The following UMODL1 variants were observed in gnomAD, a reference collection of about 807,000 sequenced individuals.
UMODL1 encodes the protein uromodulin-like 1.
Under a neutral mutation model 136.3 loss-of-function variants are expected in UMODL1, and 128 were observed. The observed-to-expected ratio is 0.94, with a 90% confidence interval of 0.81 to 1.09. The LOEUF is 1.09. Among genes scored for constraint, UMODL1 ranks in the 50% least tolerant of loss-of-function variants. UMODL1 has a pLI of 0.00. For missense variants in UMODL1, 1,766 were observed against 1,725.6 expected (o/e 1.02, Z -0.41); for synonymous variants, 721 against 720.0 (o/e 1.00, Z -0.02).
In UMODL1 at chr21:42,099,055, G is replaced by T. The variant is rs753357342; in HGVS notation, c.1061G>T (p.Arg354Met). The T allele has an allele frequency of 6.2e-7, 1 of 1,614,092 alleles. No homozygotes were observed. The highest frequency in any genetic ancestry group is 1.3e-5 in the African/African-American group (1 of 74,928). ...GTTTACCGGGGTATGGAGTTGCTCA[G>T]GAGCGCCAGGACACAGAGCCAGGCA... ...VRVYRGMELL[R>M]SARTQSQALA... Residue 354 changes from arginine (R) to methionine (M), a missense_variant, in exon 7 of 23, where the codon AGG becomes ATG. Arg to Met is a moderately conservative substitution (Grantham distance 91, BLOSUM62 -1). Transcript: ENST00000408910. The surrounding 1 kb of genome is among the most constrained non-coding windows in gnomAD (Gnocchi z 4.1).
chr21:42,085,263 A>G lies in UMODL1; in HGVS notation c.482-28A>G, dbSNP rs758675059. 3.1e-6 allele frequency: 5 copies of G among 1,611,486 alleles called. No individual in the cohort carries two copies. The highest frequency in any genetic ancestry group is 1.3e-5 in the African/African-American group (1 of 74,844). On this transcript the variant is annotated intron_variant, in intron 3 of 22. Coordinates refer to ENST00000408910, the MANE Select transcript of UMODL1 (RefSeq NM_001004416.3). This position sits in a 1 kb window ranked among gnomAD's most constrained non-coding sequence, Gnocchi z 4.5. ...TGTGACTTCAACCTGTCCTGGGTCC[A>G]TAATCATCAGTGTTTTCCCTTGTGT...
intron 20 of UMODL1, among the ~76,000 whole-genome samples, chr21:42,128,673 G>C (rs555177398): frequency 6.6e-6 from 1 of 152,352 alleles, no homozygotes; most frequent in South Asian, 2.1e-4. Context: ...GGCCACACAC[G>C]AGGAGCCTGC....
chr21:42,118,160 C>T (rs1299744628), intron 14 of UMODL1, among the ~76,000 whole-genome samples: 2 of 152,210 alleles, frequency 1.3e-5, no homozygotes, highest in African/African-American at 2.4e-5. Flanking sequence ...CTAAAAGTCA[C>T]ATTAATCCAA....
chr21:42,099,605 G>A lies in UMODL1; in HGVS notation c.1186+425G>A, dbSNP rs1323586256. ...GTTCCCTCCCCGAGAGGGGAGCATC[G>A]CTGACGTTTTCACGCCTTGCTTCAC... On this transcript the variant is annotated intron_variant, in intron 7 of 22. Coordinates refer to ENST00000408910, the MANE Select transcript of UMODL1 (RefSeq NM_001004416.3). The surrounding 1 kb of genome is among the most constrained non-coding windows in gnomAD (Gnocchi z 4.1). Among the ~76,000 whole-genome samples, 2 of 152,206 alleles carry A rather than the reference G, an allele frequency of 1.3e-5. No homozygotes were observed. The highest frequency in any genetic ancestry group is 1.3e-4 in the Admixed American group (2 of 15,286).
intron 22 of UMODL1, among the ~76,000 whole-genome samples, chr21:42,140,301 G>A (rs905129830): frequency 1.9e-5 from 2 of 106,368 alleles, no homozygotes; most frequent in Admixed American, 9.6e-5. Flanking sequence ...AGGGATAGAC[G>A]TCCCAGGTCA....
At chr21:42,067,758 G>A (rs533499431), upstream of UMODL1, among the ~76,000 whole-genome samples, 9 of 152,208 alleles carry the variant, frequency 5.9e-5, no homozygotes, top group Non-Finnish European at 8.8e-5. Context: ...GCCTTGCCAC[G>A]AGAAAGCGAC....
Position 42,137,591 on chromosome 21 carries a change from A to G in UMODL1, c.3928A>G (p.Asn1310Asp). Residue 1310 changes from asparagine (N) to aspartate (D), a missense_variant, in exon 22 of 23, where the codon AAC (asparagine) becomes GAC (aspartate). Coordinates refer to ENST00000408910, the MANE Select transcript of UMODL1 (RefSeq NM_001004416.3). ...ATACAACTTTAAAATCCAGTCCAACAACTTCAGCTACCAGGTGTTCTACGA... is the reference window on the plus strand; with the variant it reads ...ATACAACTTTAAAATCCAGTCCAACGACTTCAGCTACCAGGTGTTCTACGA... The part of the protein sequence containing the change: ...GRYNFKIQSN[N>D]FSYQVFYE The G allele has an allele frequency of 3.1e-6, 5 of 1,614,126 alleles. No individual in the cohort carries two copies. Among genetic ancestry groups the G allele is most frequent in the Non-Finnish European group, 4.2e-6 (5 of 1,180,016 alleles).
rs566565 is a variant in UMODL1 at position 42,131,632 on chromosome 21, T to C, written c.3775+1835T>C. ...CTGGGGAACAGGAGGAGGGAGGTCT[T>C]GGCCATGAAGCTGGGGAACAGGAGG... On this transcript the variant is annotated intron_variant, in intron 21 of 22. Transcript: ENST00000408910. Among the ~76,000 whole-genome samples, 65 of 16,584 alleles carry C rather than the reference T, an allele frequency of 3.9e-3. 12 individuals carry two copies. The highest frequency in any genetic ancestry group is 7.5e-3 in the Non-Finnish European group (36 of 4,812). 10.9% of individuals were successfully genotyped at this position (16,584 alleles called of 152,430 possible). A position where few individuals can be genotyped will look rare whatever the true frequency, so the allele number is the denominator to read the frequency against.
chr21:42,114,489 G>A (rs1240234051), intron 13 of UMODL1, among the ~76,000 whole-genome samples: 1 of 152,240 alleles, frequency 6.6e-6, no homozygotes. Flanking sequence ...AGCTTCCCAA[G>A]CGTTGATAGC....
rs114022756 is a variant in UMODL1, at chr21:42,072,000, A to G, written c.76+608A>G. 9.3e-3 allele frequency among the ~76,000 whole-genome samples: 1,420 copies of G among 152,076 alleles called. 25 individuals are homozygous for G. The highest frequency in any genetic ancestry group is 0.032 in the African/African-American group (1,339 of 41,490). Reference sequence around the variant, plus strand: ...GAGGTCCAGGCTGCAGTGAGCTAAGATTGCTCCACTGCACTGCAGCCTGGG... The same window carrying G: ...GAGGTCCAGGCTGCAGTGAGCTAAGGTTGCTCCACTGCACTGCAGCCTGGG... On this transcript the variant is annotated intron_variant, in intron 1 of 22. Coordinates refer to ENST00000408910, the MANE Select transcript of UMODL1 (RefSeq NM_001004416.3).
intron 1 of UMODL1, among the ~76,000 whole-genome samples, chr21:42,065,128 C>T (rs991181885): frequency 1.3e-5 from 2 of 152,142 alleles, no homozygotes; most frequent in South Asian, 2.1e-4. Flanking sequence ...AGAAAGACTC[C>T]GCGCCTTGGG....
chr21:42,116,883 CTGGCCAACA>C (rs2066908705), intron 14 of UMODL1, among the ~76,000 whole-genome samples: 1 of 152,132 alleles, frequency 6.6e-6, no homozygotes, highest in South Asian at 2.1e-4. Flanking sequence ...CTAGACTAGC[CTGGCCAACA>C]TGGCGAAACC....
At chr21:42,127,399 T>C (rs1298263777) in intron 19 of UMODL1, among the ~76,000 whole-genome samples, 157 bp downstream of exon 19, 1 of 152,132 alleles carries the variant, frequency 6.6e-6, no homozygotes, top group African/African-American at 2.4e-5. Context: ...TGTCCAGCAA[T>C]GCCCAGGGCT....
chr21:42,084,359 A>C, intron 3 of UMODL1, 114 bp downstream of exon 3: 10 of 1,204,090 alleles, frequency 8.3e-6, no homozygotes, highest in Non-Finnish European at 7.8e-6. Context: ...GACCGATTTC[A>C]TCAGGAGCCC....
intron 2 of UMODL1, among the ~76,000 whole-genome samples, chr21:42,076,661 A>G (rs768730151): frequency 4.6e-5 from 7 of 152,240 alleles, no homozygotes; most frequent in African/African-American, 7.2e-5. Context: ...AGTGATTCTC[A>G]TATACCACTG....
Position 42,122,321 on chromosome 21 carries a change from G to T in UMODL1, c.2828-510G>T, listed in dbSNP as rs1303521877. ...CATTGAAACTGAACCTGCTCTGGGG[G>T]CAAGAAGGGAGCTGGAGTGGGAAGT... On this transcript the variant is annotated intron_variant, in intron 16 of 22. Transcript: ENST00000408910. This position sits in a 1 kb window ranked among gnomAD's most constrained non-coding sequence, Gnocchi z 4.3. Among the ~76,000 whole-genome samples the T allele has an allele frequency of 6.6e-6, 1 of 152,124 alleles. No homozygotes were observed. Among genetic ancestry groups the T allele is most frequent in the East Asian group, 1.9e-4 (1 of 5,176 alleles).
In UMODL1 at chr21:42,099,206, G is replaced by A. The variant is rs376122724; in HGVS notation, c.1186+26G>A. 2.6e-4 allele frequency: 421 copies of A among 1,602,690 alleles called. 1 individual carries two copies. The highest frequency in any genetic ancestry group is 1.8e-4 in the Non-Finnish European group (210 of 1,173,080). The stretch of plus-strand genomic sequence containing the variant: ...GTAAGGCCCCCAGTCAGAGACCCAC[G>A]TTAGCTTGCGAGCTTGTCTTTCTAT... On this transcript the variant is annotated intron_variant, in intron 7 of 22. Coordinates refer to ENST00000408910, the MANE Select transcript of UMODL1 (RefSeq NM_001004416.3). This position sits in a 1 kb window ranked among gnomAD's most constrained non-coding sequence, Gnocchi z 4.1.
intron 6 of UMODL1, among the ~76,000 whole-genome samples, chr21:42,095,087 C>CTTTTTTTTTTTT (rs1569151178): frequency 5.9e-5 from 2 of 34,066 alleles, no homozygotes; most frequent in Admixed American, 3.9e-4. Flanking sequence ...TTTTCTTCTG[C>CTTTTTTTTTTTT]TGTTTTTTTT....
At chr21:42,140,046 G>A (rs1356274220) in intron 22 of UMODL1, among the ~76,000 whole-genome samples, 1 of 152,154 alleles carries the variant, frequency 6.6e-6, no homozygotes, top group East Asian at 1.9e-4. Flanking sequence ...TGAGTTCTCT[G>A]GGCCCCATTT....
Sources: gnomAD v4.1 joint callset for allele counts (sites outside exome capture counted in the v4.1 genomes callset) on GRCh38, gnomAD v4.1.1 for gene constraint, Gnocchi (gnomAD v3.1) non-coding constraint, MANE v1.5 for transcripts, NCBI Gene and HGNC (gene_info 2026-07-23, HGNC 2026-07-21) for gene names.